The following LSR variants were observed in gnomAD, a reference collection of about 807,000 sequenced individuals.
The protein encoded by LSR is lipolysis-stimulated lipoprotein receptor.
LSR carries 44 observed loss-of-function variants against 61.8 expected under a neutral mutation model. The observed-to-expected ratio is 0.71, with a 90% CI of 0.56 to 0.91. The LOEUF (loss-of-function observed/expected upper bound fraction) is 0.91. Among genes scored for constraint, LSR ranks in the 40% least tolerant of loss-of-function variants. The pLI is 0.00. For synonymous variants in LSR, 397 were observed against 350.6 expected (o/e 1.13, Z -1.48); for missense variants, 911 against 830.5 (o/e 1.10, Z -1.19).
chr19:35,251,526 G>A lies in LSR; in HGVS notation c.454+867G>A, dbSNP rs986220076. On this transcript the variant is annotated intron_variant, in intron 2 of 9. Transcript: ENST00000605618. ...AGAGAGAGAAAGTGACTTGCCTAGT[G>A]TCATAGCTGGTAACGGGGCTGGGAT... 2.0e-5 allele frequency: 3 copies of A among 152,228 alleles called. No homozygotes were observed. In the East Asian group the frequency reaches 5.8e-4, roughly 29 times the overall value. 9.4% of individuals were successfully genotyped at this position (152,228 alleles called of 1,614,324 possible). A position where few individuals can be genotyped will look rare whatever the true frequency, so the allele number is the denominator to read the frequency against.
chr19:35,265,414 C>T (rs2065984215), intron 5 of LSR, among the ~76,000 whole-genome samples: 1 of 152,232 alleles, frequency 6.6e-6, no homozygotes, highest in Admixed American at 6.5e-5. Flanking sequence ...TCCGCCCACC[C>T]TTCAGGAGGC....
intron 2 of LSR, among the ~76,000 whole-genome samples, chr19:35,254,484 G>T (rs79436036): frequency 0.01 from 1,577 of 152,314 alleles, 22 homozygotes; most frequent in African/African-American, 0.036. Context: ...CTCATTCCCT[G>T]CTTTGTCCTT....
At position 35,261,890 on chromosome 19, in the gene LSR, G is replaced by C. The variant is rs370694458; in HGVS notation, c.575-35G>C. The C allele has an allele frequency of 7.2e-5, 100 of 1,397,188 alleles. No homozygotes were observed. The African/African-American group carries it at 1.5e-3, about 20-fold the overall frequency. 86.5% of individuals were successfully genotyped at this position (1,397,188 alleles called of 1,614,324 possible). A position where few individuals can be genotyped will look rare whatever the true frequency, so the allele number is the denominator to read the frequency against. On this transcript the variant is annotated intron_variant, in intron 3 of 9. Transcript: ENST00000605618. Reference sequence around the variant, plus strand: ...GGGTGGCACAGCCTGGGCTGGCTCTGGCCAGCATAATCTGTTTCTCTTTTG... The same window carrying C: ...GGGTGGCACAGCCTGGGCTGGCTCTCGCCAGCATAATCTGTTTCTCTTTTG...
chr19:35,266,870 G>C lies in LSR; in HGVS notation c.1047G>C (p.Gln349His). The change falls in exon 8 of 10, where the codon CAG becomes CAC. Residue 349 changes from glutamine to histidine, a missense_variant. Gln to His is a conservative substitution (Grantham distance 24). Coordinates refer to ENST00000605618, the MANE Select transcript of LSR (RefSeq NM_205834.4). ...VRSGYRIQASQQDDSMRVLYY... is the reference protein window; with the variant it reads ...VRSGYRIQASHQDDSMRVLYY... The stretch of plus-strand genomic sequence containing the variant: ...GTGGCTACAGGATTCAGGCCAGCCA[G>C]CAGGACGACTCCATGCGGGTCCTGT... 1.2e-6 allele frequency: 2 copies of C among 1,612,000 alleles called. No homozygotes were observed. Among genetic ancestry groups the C allele is most frequent in the Non-Finnish European group, 1.7e-6 (2 of 1,179,096 alleles).
At chr19:35,250,235 A>G in intron 1 of LSR, 80 bp from the exon 2 acceptor site, 1 of 910,466 alleles carries the variant, frequency 1.1e-6, no homozygotes, top group Non-Finnish European at 1.7e-6. Context: ...GCGAGTGTCA[A>G]GCTGGTGACA....
At chr19:35,261,562 C>T (rs1027002512) in intron 3 of LSR, among the ~76,000 whole-genome samples, 2 of 152,110 alleles carry the variant, frequency 1.3e-5, no homozygotes, top group Non-Finnish European at 2.9e-5. Flanking sequence ...GCCCTAGGTC[C>T]CTGTGCCTGC....
chr19:35,250,411 C>G lies in LSR; in HGVS notation c.206C>G (p.Ser69Trp), dbSNP rs148172260. Residue 69 changes from serine to tryptophan, a missense_variant, in exon 2 of 10, where the codon TCG becomes TGG. Coordinates refer to ENST00000605618, the MANE Select transcript of LSR (RefSeq NM_205834.4). The stretch of plus-strand genomic sequence containing the variant: ...CTGCCCTGTACCTACCAGATGACCT[C>G]GACCCCCACGCAACCCATCGTCATC... ...VTLPCTYQMT[S>W]TPTQPIVIWK... is the part of the protein sequence containing the mutation. 1 of 1,613,794 alleles carries G rather than the reference C, an allele frequency of 6.2e-7. No individual in the cohort carries two copies. The highest frequency in any genetic ancestry group is 2.2e-5 in the East Asian group (1 of 44,882).
intron 2 of LSR, 99 bp from the exon 3 acceptor site, chr19:35,258,842 CTGCT>C (rs2065887924): frequency 1.4e-6 from 2 of 1,474,010 alleles, no homozygotes. Flanking sequence ...GCCCAGCCCA[CTGCT>C]TGCCCCCTCC....
At chr19:35,265,911 G>C (rs892649648) in intron 5 of LSR, among the ~76,000 whole-genome samples, 2 of 152,240 alleles carry the variant, frequency 1.3e-5, no homozygotes, top group African/African-American at 4.8e-5. Flanking sequence ...TGTGGGGACA[G>C]TGGTGGACCC....
intron 4 of LSR, among the ~76,000 whole-genome samples, 180 bp downstream of exon 4, chr19:35,262,161 G>A (rs1261216175): frequency 6.6e-6 from 1 of 152,214 alleles, no homozygotes; most frequent in Non-Finnish European, 1.5e-5. Flanking sequence ...AGGCTAGGCT[G>A]GGCTGAGGAG....
rs147375116 is a variant in LSR at position 35,260,526 on chromosome 19, C to A, written c.575-1399C>A. Among the ~76,000 whole-genome samples, 1,502 of 152,030 alleles carry A rather than the reference C, an allele frequency of 9.9e-3. 21 individuals are homozygous for A. The highest frequency in any genetic ancestry group is 0.035 in the African/African-American group (1,431 of 41,446). On this transcript the variant is annotated intron_variant, in intron 3 of 9. Coordinates refer to ENST00000605618, the MANE Select transcript of LSR (RefSeq NM_205834.4). ...GCCAGGATGGTCTCGATCTCCTGACCTCGTGATCCACCCACCTGGGCCTCC... is the reference window on the plus strand; with the variant it reads ...GCCAGGATGGTCTCGATCTCCTGACATCGTGATCCACCCACCTGGGCCTCC...
Position 35,262,615 on chromosome 19 carries a change from G to C in LSR, c.701G>C (p.Cys234Ser). 1 of 1,614,196 alleles carries C rather than the reference G, an allele frequency of 6.2e-7. No homozygotes were observed. Among genetic ancestry groups the C allele is most frequent in the Non-Finnish European group, 8.5e-7 (1 of 1,180,026 alleles). ...TTCCTCCTCCTGGGCATCTGCTGGT[G>C]CCAGTGCTGCCCGCACACTTGCTGC... ...LIFLLLGICWCQCCPHTCCCY... is the reference protein window; with the variant it reads ...LIFLLLGICWSQCCPHTCCCY... The change falls in exon 5 of 10, where the codon TGC becomes TCC. Residue 234 changes from cysteine to serine, a missense_variant. Cys to Ser is a moderately radical substitution (Grantham distance 112, BLOSUM62 -1). Coordinates refer to ENST00000605618, the MANE Select transcript of LSR (RefSeq NM_205834.4).
At position 35,249,019 on chromosome 19, in the gene LSR, C is replaced by G. The variant is rs1164412383; in HGVS notation, c.-4C>G. 1.9e-6 allele frequency: 3 copies of G among 1,606,418 alleles called. No homozygotes were observed. The highest frequency in any genetic ancestry group is 2.5e-6 in the Non-Finnish European group (3 of 1,176,986). ...CGCGGGCCAGACGCGCCCAGACGGC[C>G]GCGATGGCGCTGTTGGCCGGCGGGC... On this transcript the variant is annotated 5_prime_UTR_variant, in exon 1 of 10. Coordinates refer to ENST00000605618, the MANE Select transcript of LSR (RefSeq NM_205834.4).
rs776403442 is a variant in LSR, at chr19:35,250,366, T to A, written c.161T>A (p.Ile54Asn). The change falls in exon 2 of 10, where the codon ATC (isoleucine) becomes AAC (asparagine). Residue 54 changes from isoleucine (I) to asparagine (N), a missense_variant. By Grantham distance (149) the Ile-to-Asn change is moderately radical. Transcript: ENST00000605618. ...VTVSNPYHVV[I>N]LFQPVTLPCT... ...GTGTCCAACCCCTACCACGTGGTGA[T>A]CCTCTTCCAGCCTGTGACCCTGCCC... The A allele has an allele frequency of 1.9e-6, 3 of 1,588,976 alleles. No homozygotes were observed. Among genetic ancestry groups the A allele is most frequent in the Non-Finnish European group, 1.7e-6 (2 of 1,162,862 alleles).
At chr19:35,256,729 TGAAAGAAA>T (rs66540479) in intron 2 of LSR, among the ~76,000 whole-genome samples, 539 of 37,794 alleles carry the variant, frequency 0.014, 4 homozygotes, top group African/African-American at 0.028. Context: ...AATGAATGAA[TGAAAGAAA>T]GAAAGAAATG....
Position 35,266,450 on chromosome 19 carries a change from C to T in LSR, c.870C>T (p.Pro290=), listed in dbSNP as rs1568447925. 6.2e-7 allele frequency: 1 copy of T among 1,612,972 alleles called. No individual in the cohort carries two copies. Among genetic ancestry groups the T allele is most frequent in the African/African-American group, 1.3e-5 (1 of 75,048 alleles). ...YAHLSPAKTP[P]PPAMIPMGPA... is the part of the protein sequence containing the mutation. The stretch of plus-strand genomic sequence containing the variant: ...ACCTGTCTCCCGCCAAGACCCCACC[C>T]CCACCAGCTATGATTCCCATGGGCC... Residue 290 remains proline, a synonymous_variant, in exon 6 of 10, where the codon CCC becomes CCT. Transcript: ENST00000605618.
Position 35,267,591 on chromosome 19 carries a change from C to G in LSR, c.1627C>G (p.Leu543Val). 6.2e-7 allele frequency: 1 copy of G among 1,612,172 alleles called. No homozygotes were observed. The highest frequency in any genetic ancestry group is 8.5e-7 in the Non-Finnish European group (1 of 1,179,660). ...SGDLPYDGRL[L>V]EEAVRKKGSE... is the part of the protein sequence containing the mutation. ...GGACCTCCCCTATGATGGGCGGCTA[C>G]TGGAGGAGGCTGTGAGGAAGAAGGG... Residue 543 changes from leucine to valine, a missense_variant, in exon 9 of 10, where the codon CTG (leucine) becomes GTG (valine). Transcript: ENST00000605618.
intron 5 of LSR, among the ~76,000 whole-genome samples, chr19:35,266,080 T>C (rs1464014286): frequency 6.6e-6 from 1 of 152,224 alleles, no homozygotes; most frequent in Admixed American, 6.5e-5. Context: ...AAATGAAACA[T>C]TGTTCTGCCA....
chr19:35,266,885 G>A lies in LSR; in HGVS notation c.1062G>A (p.Met354Ile). 6.2e-7 allele frequency: 1 copy of A among 1,613,290 alleles called. No homozygotes were observed. Among genetic ancestry groups the A allele is most frequent in the South Asian group, 1.1e-5 (1 of 90,946 alleles). The change falls in exon 8 of 10, where the codon ATG (methionine) becomes ATA (isoleucine). Residue 354 changes from methionine to isoleucine, a missense_variant. Physicochemically the swap from Met to Ile is conservative, Grantham distance 10. Coordinates refer to ENST00000605618, the MANE Select transcript of LSR (RefSeq NM_205834.4). ...AGGCCAGCCAGCAGGACGACTCCAT[G>A]CGGGTCCTGTACTACATGGAGAAGG... is the stretch of plus-strand genomic sequence containing the variant. ...RIQASQQDDS[M>I]RVLYYMEKEL...
Sources: gnomAD v4.1 joint callset for allele counts (sites outside exome capture counted in the v4.1 genomes callset) on GRCh38, gnomAD v4.1.1 for gene constraint, MANE v1.5 for transcripts, NCBI Gene and HGNC (gene_info 2026-07-23, HGNC 2026-07-21) for gene names.